RPP30: variants seen among roughly 807,000 people sequenced by gnomAD.
The protein encoded by RPP30 is ribonuclease P protein subunit p30.
Under a neutral mutation model 38.6 loss-of-function variants are expected in RPP30, and 36 were observed. That is an observed-to-expected ratio of 0.93 (90% CI 0.71 to 1.23). The LOEUF (loss-of-function observed/expected upper bound fraction) is 1.23. RPP30 is among the 50% of genes most tolerant of loss of function. RPP30 has a pLI of 0.00. For synonymous variants in RPP30, 126 were observed against 112.7 expected (o/e 1.12, Z -0.75); for missense variants, 321 against 321.7 (o/e 1.00, Z 0.02).
At position 90,902,020 on chromosome 10, in the gene RPP30, A is replaced by G. The variant is rs2120241753; in HGVS notation, c.*1341A>G. 8 of 527,528 alleles carry G rather than the reference A, an allele frequency of 1.5e-5. No homozygotes were observed. Among genetic ancestry groups the G allele is most frequent in the Non-Finnish European group, 1.9e-5 (8 of 411,552 alleles). The allele number at this position is 527,528 out of a possible 1,614,324, so 32.7% of individuals were successfully genotyped here. Reference sequence around the variant, plus strand: ...CACCGTGTTAGCCAGGATGGTCTCAATCTCCTGACCTCATATTCCACCCGC... The same window carrying G: ...CACCGTGTTAGCCAGGATGGTCTCAGTCTCCTGACCTCATATTCCACCCGC... On this transcript the variant is annotated 3_prime_UTR_variant, in exon 11 of 11. Transcript: ENST00000371703.
At chr10:90,875,000 C>A in intron 2 of RPP30, 76 bp downstream of exon 2, 1 of 918,692 alleles carries the variant, frequency 1.1e-6, no homozygotes, top group Non-Finnish European at 1.7e-6. Flanking sequence ...AATTTGGAAG[C>A]TACAGATTAG....
intron 5 of RPP30, among the ~76,000 whole-genome samples, chr10:90,884,499 C>T (rs938571429): frequency 6.6e-6 from 1 of 152,190 alleles, no homozygotes; most frequent in Non-Finnish European, 1.5e-5. Context: ...AGCTTTTCTT[C>T]ATCCACTCTT....
chr10:90,875,965 A>G, intron 3 of RPP30, 59 bp from the exon 4 acceptor site: 2 of 1,023,472 alleles, frequency 2.0e-6, no homozygotes, highest in South Asian at 1.3e-5. Context: ...TCCACTGGTA[A>G]AAAGGAAAAT....
downstream of RPP30, among the ~76,000 whole-genome samples, chr10:90,907,370 T>G (rs193213861): frequency 1.3e-5 from 2 of 152,254 alleles, no homozygotes; most frequent in East Asian, 3.9e-4. Flanking sequence ...GTCAGAGAGA[T>G]AACAATGAAA....
Position 90,901,523 on chromosome 10 carries a change from G to A in RPP30, c.*844G>A, listed in dbSNP as rs951544513. ...TCTTCCTTCACTGCTTCATGCCTACGTAAGGTCTTTGAAATAGGATTCCTT... is the reference window on the plus strand; with the variant it reads ...TCTTCCTTCACTGCTTCATGCCTACATAAGGTCTTTGAAATAGGATTCCTT... On this transcript the variant is annotated 3_prime_UTR_variant, in exon 11 of 11. Transcript: ENST00000371703. The A allele has an allele frequency of 7.1e-6, 7 of 985,022 alleles. No individual in the cohort carries two copies. Among genetic ancestry groups the A allele is most frequent in the Admixed American group, 6.2e-5 (1 of 16,240 alleles). The allele number at this position is 985,022 out of a possible 1,614,324, so 61.0% of individuals were successfully genotyped here.
chr10:90,891,816 G>A (rs2120217053), intron 6 of RPP30, among the ~76,000 whole-genome samples: 1 of 152,292 alleles, frequency 6.6e-6, no homozygotes, highest in Non-Finnish European at 1.5e-5. Flanking sequence ...ATTATTGGAG[G>A]AAGGGATAGG....
At chr10:90,893,695 T>C (rs1589500471) in intron 6 of RPP30, among the ~76,000 whole-genome samples, 1 of 152,198 alleles carries the variant, frequency 6.6e-6, no homozygotes, top group East Asian at 1.9e-4. Flanking sequence ...CCTCTGAAAG[T>C]GCACCTTCCT....
chr10:90,876,128 TG>T (rs1564710218), intron 4 of RPP30, 30 bp downstream of exon 4: 1 of 1,384,506 alleles, frequency 7.2e-7, no homozygotes, highest in Non-Finnish European at 1.0e-6. Context: ...TCTCTCCTTT[TG>T]GCTTTGTGAG....
intron 6 of RPP30, among the ~76,000 whole-genome samples, chr10:90,889,806 C>T (rs1404077038): frequency 6.6e-6 from 1 of 152,124 alleles, no homozygotes; most frequent in Non-Finnish European, 1.5e-5. Context: ...TTGTCATCTT[C>T]ACTGTATGCT....
chr10:90,875,501 T>C, intron 2 of RPP30, 57 bp from the exon 3 acceptor site: 1 of 1,370,876 alleles, frequency 7.3e-7, no homozygotes, highest in East Asian at 2.3e-5. Flanking sequence ...ATTTTTCCAT[T>C]ATGCCTTGTG....
At chr10:90,894,229 ACT>A (rs1847113419) in intron 6 of RPP30, among the ~76,000 whole-genome samples, 1 of 152,064 alleles carries the variant, frequency 6.6e-6, no homozygotes, top group African/African-American at 2.4e-5. Context: ...TATATATAAG[ACT>A]CTCTTAGCAT....
At chr10:90,874,571 GCCAGGCACTGTT>G (rs1467093065) in intron 1 of RPP30, among the ~76,000 whole-genome samples, 1 of 152,188 alleles carries the variant, frequency 6.6e-6, no homozygotes, top group Admixed American at 6.5e-5. Flanking sequence ...AGACCTGTGT[GCCAGGCACTGTT>G]CTCAAACACC....
At chr10:90,907,243 CTG>C (rs1847263348), downstream of RPP30, among the ~76,000 whole-genome samples, 1 of 152,150 alleles carries the variant, frequency 6.6e-6, no homozygotes, top group African/African-American at 2.4e-5. Context: ...AGAGAAATGT[CTG>C]TGTTGTAGAT....
At position 90,879,082 on chromosome 10, in the gene RPP30, C is replaced by A. The variant is rs1416149108; in HGVS notation, c.290C>A (p.Ala97Asp). The change falls in exon 5 of 11, where the codon GCC becomes GAC. Residue 97 changes from alanine (A) to aspartate (D), a missense_variant. Physicochemically the swap from Ala to Asp is moderately radical, Grantham distance 126. Coordinates refer to ENST00000371703, the MANE Select transcript of RPP30 (RefSeq NM_006413.5). ...TCCTAGAGAGCAACTTCTTCAAGGGCCCGGCTCTATGATGTTGTTGCAGTT... is the reference window on the plus strand; with the variant it reads ...TCCTAGAGAGCAACTTCTTCAAGGGACCGGCTCTATGATGTTGTTGCAGTT... ...CNVLRATSSR[A>D]RLYDVVAVFP... 3.7e-6 allele frequency: 6 copies of A among 1,613,924 alleles called. No individual in the cohort carries two copies. The highest frequency in any genetic ancestry group is 5.1e-6 in the Non-Finnish European group (6 of 1,179,912).
intron 1 of RPP30, among the ~76,000 whole-genome samples, chr10:90,874,255 A>T (rs1846821456): frequency 6.6e-6 from 1 of 152,218 alleles, no homozygotes; most frequent in Non-Finnish European, 1.5e-5. Flanking sequence ...TGATGAGGAT[A>T]ATAAAGCAAG....
rs1846783313 is a variant in RPP30 at position 90,872,053 on chromosome 10, G to C, written c.67G>C (p.Glu23Gln). The change falls in exon 1 of 11, where the codon GAG (glutamate) becomes CAG (glutamine). Residue 23 changes from glutamate (E) to glutamine (Q), a missense_variant. Glu to Gln is a conservative substitution (Grantham distance 29). Coordinates refer to ENST00000371703, the MANE Select transcript of RPP30 (RefSeq NM_006413.5). Reference protein sequence around the residue: ...SDLKALRGLVETAAHLGYSVV... With the variant: ...SDLKALRGLVQTAAHLGYSVV... The stretch of plus-strand genomic sequence containing the variant: ...CCTGAAGGCTCTGCGCGGACTTGTG[G>C]AGACAGCCGCTCACCGTGAGTTGCC... 1 of 1,614,044 alleles carries C rather than the reference G, an allele frequency of 6.2e-7. No individual in the cohort carries two copies. Among genetic ancestry groups the C allele is most frequent in the African/African-American group, 1.3e-5 (1 of 74,916 alleles).
chr10:90,885,922 G>A (rs1846994985), intron 6 of RPP30, 21 bp downstream of exon 6: 1 of 1,438,490 alleles, frequency 7.0e-7, no homozygotes. Flanking sequence ...TTTCCATTCT[G>A]TATTTGAATC....
At chr10:90,899,482 ATCTC>A (rs972894661) in intron 10 of RPP30, among the ~76,000 whole-genome samples, 4 of 152,088 alleles carry the variant, frequency 2.6e-5, no homozygotes, top group African/African-American at 9.7e-5. Flanking sequence ...GCTAATGGGT[ATCTC>A]TCTCTTTCTC....
chr10:90,884,954 A>G (rs1846979291), intron 5 of RPP30, among the ~76,000 whole-genome samples: 2 of 152,216 alleles, frequency 1.3e-5, no homozygotes, highest in Non-Finnish European at 2.9e-5. Flanking sequence ...TTATCACTAT[A>G]AATCAAATAA....
Sources: allele counts gnomAD v4.1 joint callset (sites outside exome capture counted in the v4.1 genomes callset), GRCh38; gene constraint gnomAD v4.1.1; transcripts MANE v1.5; gene names NCBI Gene and HGNC (gene_info 2026-07-23, HGNC 2026-07-21).